FADS6: variants seen among roughly 807,000 people sequenced by gnomAD.
FADS6 encodes the protein fatty acid desaturase 6.
FADS6 carries 28 observed loss-of-function variants against 31.7 expected under a neutral mutation model. The ratio of observed to expected loss-of-function variants is 0.88; its 90% CI spans 0.66 to 1.21. The LOEUF is 1.21. Ranked by LOEUF, FADS6 falls within the 50% of genes most tolerant of loss-of-function variation. FADS6 has a pLI of 0.00. For synonymous variants in FADS6, 191 were observed against 213.1 expected, an observed-to-expected ratio of 0.90 and a Z score of 0.90; for missense variants, 494 against 504.2, an observed-to-expected ratio of 0.98 and a Z score of 0.19.
chr17:74,892,920 C>T (rs2038707478), intron 1 of FADS6, among the ~76,000 whole-genome samples: 1 of 152,082 alleles, frequency 6.6e-6, no homozygotes, highest in Non-Finnish European at 1.5e-5. Flanking sequence ...TGGTCCTGGG[C>T]CCCCAGCCAA....
chr17:74,883,613 G>T (rs1171766927), intron 2 of FADS6, among the ~76,000 whole-genome samples: 1 of 152,190 alleles, frequency 6.6e-6, no homozygotes. Context: ...ACCACATGCT[G>T]CTGAGTTAGT....
chr17:74,893,261 G>A (rs2038711980), intron 1 of FADS6, 91 bp downstream of exon 1: 5 of 1,358,904 alleles, frequency 3.7e-6, no homozygotes, highest in Admixed American at 5.8e-5. Flanking sequence ...GCACTCCCAC[G>A]GCTGCTGTTG....
intron 5 of FADS6, 66 bp from the exon 6 acceptor site, chr17:74,878,543 G>GGGGA: frequency 6.4e-7 from 1 of 1,566,444 alleles, no homozygotes; most frequent in South Asian, 1.2e-5. Context: ...CATCCCGTCA[G>GGGGA]GGGAGGGAGG....
Position 74,882,555 on chromosome 17 carries a change from G to A in FADS6, c.567C>T (p.Pro189=). Residue 189 remains proline (P), a synonymous_variant, in exon 3 of 6, where the codon CCC becomes CCT. Coordinates refer to ENST00000612771, the MANE Select transcript of FADS6 (RefSeq NM_178128.6). ...VYMFLAPFLL[P]IATPLVAVER... ...CGACAGCCACCAGTGGAGTGGCGATGGGGAGGAGGAAAGGAGCAAGGAACA... is the reference window on the plus strand; with the variant it reads ...CGACAGCCACCAGTGGAGTGGCGATAGGGAGGAGGAAAGGAGCAAGGAACA... 1 of 1,611,584 alleles carries A rather than the reference G, an allele frequency of 6.2e-7. No individual in the cohort carries two copies. The highest frequency in any genetic ancestry group is 8.5e-7 in the Non-Finnish European group (1 of 1,178,912).
Position 74,882,681 on chromosome 17 carries a change from G to A in FADS6, c.441C>T (p.Ala147=), listed in dbSNP as rs763475295. The A allele has an allele frequency of 6.2e-7, 1 of 1,610,962 alleles. No homozygotes were observed. Among genetic ancestry groups the A allele is most frequent in the South Asian group, 1.1e-5 (1 of 90,242 alleles). ...EVCTAFTAEH[A]THGHVKMHHA... ...GGTGCATCTTGACGTGCCCATGCGTGGCGTGCTCTGCAGTGAAGGCTGTGC... is the reference window on the plus strand; with the variant it reads ...GGTGCATCTTGACGTGCCCATGCGTAGCGTGCTCTGCAGTGAAGGCTGTGC... The change falls in exon 3 of 6, where the codon GCC becomes GCT. Residue 147 remains alanine, a synonymous_variant. Transcript: ENST00000612771.
intron 2 of FADS6, chr17:74,883,032 A>G (rs947025176): frequency 4.0e-6 from 2 of 498,458 alleles, no homozygotes; most frequent in African/African-American, 1.9e-5. Context: ...GATTGGAGGC[A>G]CTGCAGGTGA....
chr17:74,883,208 G>A (rs762773289), intron 2 of FADS6, among the ~76,000 whole-genome samples: 6 of 152,332 alleles, frequency 3.9e-5, no homozygotes, highest in African/African-American at 9.6e-5. Flanking sequence ...AGGTGGGGGC[G>A]GTGCCCTGGT....
intron 5 of FADS6, 132 bp from the exon 6 acceptor site, chr17:74,878,609 G>A (rs1343211100): frequency 1.6e-5 from 18 of 1,097,016 alleles, no homozygotes; most frequent in Non-Finnish European, 2.3e-5. Context: ...TTCTCCGGAG[G>A]AGCAGAAGGG....
At chr17:74,881,555 T>C (rs2038569185) in intron 3 of FADS6, among the ~76,000 whole-genome samples, 1 of 151,716 alleles carries the variant, frequency 6.6e-6, no homozygotes, top group South Asian at 2.1e-4. Context: ...CAAAATTTGC[T>C]GGGCGTCGTG....
rs111832364 is a variant in FADS6, at chr17:74,893,014, A to G, written c.245-325T>C. ...ACTCCCACCCCCTCCCCACTCACCT[A>G]GGTCCCCAAAGAACACCGTCTCCCT... On this transcript the variant is annotated intron_variant, in intron 1 of 5. Transcript: ENST00000612771. Among the ~76,000 whole-genome samples, 56 of 151,914 alleles carry G rather than the reference A, an allele frequency of 3.7e-4. 1 individual carries two copies. The highest frequency in any genetic ancestry group is 1.3e-3 in the African/African-American group (54 of 41,336).
intron 2 of FADS6, among the ~76,000 whole-genome samples, chr17:74,883,620 T>C (rs920388731): frequency 1.3e-5 from 2 of 152,180 alleles, no homozygotes; most frequent in Non-Finnish European, 2.9e-5. Context: ...GCTGCTGAGT[T>C]AGTTGGAAAA....
At chr17:74,882,788 A>C in intron 2 of FADS6, 78 bp from the exon 3 acceptor site, 1 of 1,543,656 alleles carries the variant, frequency 6.5e-7, no homozygotes, top group South Asian at 1.2e-5. Context: ...GAGAGCCCGG[A>C]GAACACCCCC....
intron 3 of FADS6, among the ~76,000 whole-genome samples, chr17:74,882,079 G>T (rs1366064739): frequency 6.6e-6 from 1 of 151,952 alleles, no homozygotes; most frequent in East Asian, 1.9e-4. Context: ...GGGACTACAG[G>T]CGCCCACCAC....
intron 2 of FADS6, among the ~76,000 whole-genome samples, chr17:74,886,940 T>C (rs1010244109): frequency 6.6e-6 from 1 of 152,142 alleles, no homozygotes; most frequent in South Asian, 2.1e-4. Context: ...ATGATTCACA[T>C]TTGGGACTCG....
intron 2 of FADS6, among the ~76,000 whole-genome samples, chr17:74,890,933 T>C (rs145329640): frequency 1.2e-3 from 183 of 152,192 alleles, no homozygotes; most frequent in African/African-American, 3.9e-3. Flanking sequence ...GCCCGAGTCC[T>C]CTTCTCCAGC....
In FADS6 at chr17:74,877,942, C is replaced by T. The variant is rs914607709; in HGVS notation, c.*389G>A. The T allele has an allele frequency of 6.0e-6, 6 of 1,000,344 alleles. No homozygotes were observed. In the Admixed American group the frequency reaches 1.8e-4, roughly 30 times the overall value. The allele number at this position is 1,000,344 out of a possible 1,614,324, so 62.0% of individuals were successfully genotyped here. On this transcript the variant is annotated 3_prime_UTR_variant, in exon 6 of 6. Transcript: ENST00000612771. ...CCCAGCCGAGGGAGCTGACCCTGTT[C>T]TCTCTGTGCCCCCTGCTATCTCCCA...
chr17:74,879,071 ACTC>A, intron 5 of FADS6: 1 of 176,038 alleles, frequency 5.7e-6, no homozygotes, highest in Non-Finnish European at 1.0e-5. Context: ...ACAGGGTCTT[ACTC>A]TGTCACCAGG....
chr17:74,893,566 C>T lies in FADS6; in HGVS notation c.30G>A (p.Thr10=). Residue 10 remains threonine, a synonymous_variant, in exon 1 of 6, where the codon ACG becomes ACA. Transcript: ENST00000612771. MEPTEPMEP[T]EPMEPTEPME... ...TGGGCTCCGTAGGTTCCATGGGCTCCGTAGGTTCCATCGGCTCCGTGGGTT... is the reference window on the plus strand; with the variant it reads ...TGGGCTCCGTAGGTTCCATGGGCTCTGTAGGTTCCATCGGCTCCGTGGGTT... 1 of 1,376,112 alleles carries T rather than the reference C, an allele frequency of 7.3e-7. No individual in the cohort carries two copies. Among genetic ancestry groups the T allele is most frequent in the Non-Finnish European group, 9.5e-7 (1 of 1,054,040 alleles). 85.2% of individuals were successfully genotyped at this position (1,376,112 alleles called of 1,614,324 possible).
At chr17:74,890,144 T>C (rs2038673196) in intron 2 of FADS6, among the ~76,000 whole-genome samples, 1 of 152,206 alleles carries the variant, frequency 6.6e-6, no homozygotes, top group African/African-American at 2.4e-5. Flanking sequence ...CCAGTGGGGC[T>C]GGGAGTTCAA....
Sources: allele counts gnomAD v4.1 joint callset (sites outside exome capture counted in the v4.1 genomes callset), GRCh38; gene constraint gnomAD v4.1.1; transcripts MANE v1.5; gene names NCBI Gene and HGNC (gene_info 2026-07-23, HGNC 2026-07-21).